The following FREM2 variants were observed in gnomAD, a reference collection of about 807,000 sequenced individuals.
FREM2 encodes FRAS1-related extracellular matrix protein 2.
Under a neutral mutation model 219.9 loss-of-function variants are expected in FREM2, and 119 were observed. The ratio of observed to expected loss-of-function variants is 0.54; its 90% CI spans 0.47 to 0.63. The LOEUF (loss-of-function observed/expected upper bound fraction) is 0.63, where lower values mean the gene tolerates loss of function less well. Ranked by LOEUF, FREM2 falls within the 30% of genes least tolerant of loss-of-function variation. The pLI, the probability that FREM2 is intolerant of heterozygous loss-of-function variation, is 0.00. For missense variants in FREM2, 4,030 were observed against 3,993.6 expected (o/e 1.01, Z -0.25); for synonymous variants, 1,562 against 1,522.8 (o/e 1.03, Z -0.60).
intron 2 of FREM2, among the ~76,000 whole-genome samples, chr13:38,740,297 A>G (rs887453825): frequency 6.6e-6 from 1 of 152,218 alleles, no homozygotes; most frequent in Non-Finnish European, 1.5e-5. Flanking sequence ...TTCGAGAGAT[A>G]TGTTACTTCA....
chr13:38,745,718 T>A (rs1295447801), intron 2 of FREM2, among the ~76,000 whole-genome samples: 1 of 152,194 alleles, frequency 6.6e-6, no homozygotes, highest in Non-Finnish European at 1.5e-5. Context: ...GCTCACTGAT[T>A]CTGTGAGCTT....
chr13:38,875,232 CA>C (rs1442191474), intron 18 of FREM2, among the ~76,000 whole-genome samples: 2 of 150,690 alleles, frequency 1.3e-5, no homozygotes, highest in South Asian at 2.1e-4. Flanking sequence ...AGTTTAGTAA[CA>C]TGGAGAGTCA....
At chr13:38,841,145 C>T (rs1325390715) in intron 6 of FREM2, among the ~76,000 whole-genome samples, 1 of 152,182 alleles carries the variant, frequency 6.6e-6, no homozygotes, top group Non-Finnish European at 1.5e-5. Context: ...ATATAGTACA[C>T]ACCTCAGTGG....
intron 1 of FREM2, among the ~76,000 whole-genome samples, chr13:38,694,086 G>A (rs186199738): frequency 4.9e-4 from 74 of 152,310 alleles, no homozygotes; most frequent in African/African-American, 1.7e-3. Context: ...CTATTTTGAT[G>A]AAGACAGGCA....
chr13:38,788,691 G>A (rs752388154), intron 6 of FREM2, among the ~76,000 whole-genome samples: 4 of 151,816 alleles, frequency 2.6e-5, no homozygotes, highest in Non-Finnish European at 5.9e-5. Flanking sequence ...TTGTCATATT[G>A]TGCCCTTTAG....
chr13:38,818,725 G>A (rs192086688), intron 6 of FREM2, among the ~76,000 whole-genome samples: 1 of 152,176 alleles, frequency 6.6e-6, no homozygotes, highest in East Asian at 1.9e-4. Flanking sequence ...CACTTTGGGA[G>A]GTTGAGGCAG....
rs777063905 is a variant in FREM2 at position 38,764,273 on chromosome 13, T to G, written c.5264-31T>G. The G allele has an allele frequency of 1.2e-5, 19 of 1,559,906 alleles. No individual in the cohort carries two copies. The East Asian group carries it at 4.0e-4, about 33-fold the overall frequency. ...GAAGATCACTCATTCAAGAAAGCACTAATTTATGGCTTTAAATTTTTATTT... is the reference window on the plus strand; with the variant it reads ...GAAGATCACTCATTCAAGAAAGCACGAATTTATGGCTTTAAATTTTTATTT... On this transcript the variant is annotated intron_variant, in intron 2 of 23. Transcript: ENST00000280481.
rs572860309 is a variant in FREM2 at position 38,877,265 on chromosome 13, G to A, written c.8671+22G>A. On this transcript the variant is annotated intron_variant, in intron 21 of 23. Transcript: ENST00000280481. ...GAAGGTATCACTTTACAAATGAGAGGGATGCTCTGTTTGTCATGTATATCT... is the reference window on the plus strand; with the variant it reads ...GAAGGTATCACTTTACAAATGAGAGAGATGCTCTGTTTGTCATGTATATCT... 3.7e-5 allele frequency: 60 copies of A among 1,612,512 alleles called. No individual in the cohort carries two copies. In the South Asian group the frequency reaches 6.5e-4, roughly 17 times the overall value.
chr13:38,765,735 A>G (rs1304411138), intron 3 of FREM2, among the ~76,000 whole-genome samples: 2 of 151,884 alleles, frequency 1.3e-5, no homozygotes, highest in Non-Finnish European at 2.9e-5. Flanking sequence ...TTTTAACTTT[A>G]GAAGACCAGG....
chr13:38,750,608 A>G (rs1007455807), intron 2 of FREM2, among the ~76,000 whole-genome samples: 12 of 152,118 alleles, frequency 7.9e-5, no homozygotes, highest in African/African-American at 2.9e-4. Context: ...ATATCTCTTC[A>G]GTACACTGAT....
At chr13:38,833,899 C>T (rs1010624842) in intron 6 of FREM2, among the ~76,000 whole-genome samples, 1 of 152,122 alleles carries the variant, frequency 6.6e-6, no homozygotes, top group African/African-American at 2.4e-5. Flanking sequence ...TGATGTTCTG[C>T]TTCATTTTTA....
Position 38,846,624 on chromosome 13 carries a change from G to C in FREM2, c.6071G>C (p.Gly2024Ala). Residue 2024 changes from glycine (G) to alanine (A), a missense_variant, in exon 7 of 24, where the codon GGC becomes GCC. By Grantham distance (60) the Gly-to-Ala change is moderately conservative. This residue lies in a region of FREM2 where 3,102 missense variants were observed against 2,950.7 expected (regional missense o/e 1.05). Coordinates refer to ENST00000280481, the MANE Select transcript of FREM2 (RefSeq NM_207361.6). ...DVEYSVDESA[G>A]YVEVQVWRTG... ...GAATACTCTGTGGATGAGAGTGCTG[G>C]CTATGTGGAAGTGCAGGTGTGGAGA... The C allele has an allele frequency of 6.2e-7, 1 of 1,613,728 alleles. No homozygotes were observed. Among genetic ancestry groups the C allele is most frequent in the Non-Finnish European group, 8.5e-7 (1 of 1,179,786 alleles).
intron 18 of FREM2, among the ~76,000 whole-genome samples, chr13:38,875,473 G>GA (rs1878310729): frequency 6.6e-6 from 1 of 152,136 alleles, no homozygotes; most frequent in South Asian, 2.1e-4. Context: ...GACAGTTCTG[G>GA]AAAATGAGGA....
intron 4 of FREM2, among the ~76,000 whole-genome samples, chr13:38,781,699 G>GATTT (rs1255620656): frequency 7.9e-5 from 12 of 152,102 alleles, no homozygotes; most frequent in African/African-American, 2.9e-4. Flanking sequence ...AAAACAAATA[G>GATTT]CACACTGAAA....
chr13:38,754,176 C>T (rs1043777276), intron 2 of FREM2, among the ~76,000 whole-genome samples: 4 of 152,004 alleles, frequency 2.6e-5, no homozygotes, highest in Non-Finnish European at 5.9e-5. Flanking sequence ...ATTAATTCAT[C>T]AAACCAGAGG....
chr13:38,723,532 T>C (rs919933833), intron 2 of FREM2, among the ~76,000 whole-genome samples: 1 of 152,152 alleles, frequency 6.6e-6, no homozygotes, highest in Non-Finnish European at 1.5e-5. Flanking sequence ...GTGGAAAAGA[T>C]TTTTAGGATC....
chr13:38,745,007 A>G lies in FREM2; in HGVS notation c.5264-19297A>G, dbSNP rs534967962. On this transcript the variant is annotated intron_variant, in intron 2 of 23. Coordinates refer to ENST00000280481, the MANE Select transcript of FREM2 (RefSeq NM_207361.6). Reference sequence around the variant, plus strand: ...TGTTTTGCACTAGAAGTCAAACAGTATATATTCTGGCCCTTGTTTTCTCTA... The same window carrying G: ...TGTTTTGCACTAGAAGTCAAACAGTGTATATTCTGGCCCTTGTTTTCTCTA... 2.0e-5 allele frequency among the ~76,000 whole-genome samples: 3 copies of G among 152,336 alleles called. No individual in the cohort carries two copies. In the South Asian group the frequency reaches 6.2e-4, roughly 32 times the overall value.
rs1353981139 is a variant in FREM2, at chr13:38,828,269, A to C, written c.6020-18304A>C. ...AGTTTGTACCTCAAAGGTTGTTAGGAAGATTGAGTTAGTAGATAGATAAAG... is the reference window on the plus strand; with the variant it reads ...AGTTTGTACCTCAAAGGTTGTTAGGCAGATTGAGTTAGTAGATAGATAAAG... On this transcript the variant is annotated intron_variant, in intron 6 of 23. Transcript: ENST00000280481. Among the ~76,000 whole-genome samples, 3 of 152,148 alleles carry C rather than the reference A, an allele frequency of 2.0e-5. No homozygotes were observed. The East Asian group carries it at 5.8e-4, about 29-fold the overall frequency.
At chr13:38,709,986 TACAC>T (rs59108347) in intron 2 of FREM2, among the ~76,000 whole-genome samples, 51,658 of 129,830 alleles carry the variant, frequency 0.4, 11,312 homozygotes, top group Non-Finnish European at 0.51. Context: ...TAACTAAAAA[TACAC>T]ACACACACAC....
Sources: allele counts gnomAD v4.1 joint callset (sites outside exome capture counted in the v4.1 genomes callset), GRCh38; gene constraint gnomAD v4.1.1; regional missense constraint gnomAD v4.1.1; transcripts MANE v1.5; gene names NCBI Gene and HGNC (gene_info 2026-07-23, HGNC 2026-07-21).